Variants in CACNA1C observed in about 807,000 individuals in gnomAD.
CACNA1C encodes the protein voltage-dependent L-type calcium channel subunit alpha-1C.
A neutral mutation model predicts 229.0 loss-of-function variants in CACNA1C; 30 were observed. The observed-to-expected ratio is 0.13, with a 90% confidence interval of 0.10 to 0.18. CACNA1C has a LOEUF of 0.18. Ranked by LOEUF, CACNA1C falls within the 10% of genes least tolerant of loss-of-function variation. The pLI, the probability that CACNA1C is intolerant of heterozygous loss-of-function variation, is 1.00. For synonymous variants in CACNA1C, 1,114 were observed against 1,132.5 expected, an observed-to-expected ratio of 0.98 and a Z score of 0.33; for missense variants, 1,658 against 2,845.0, an observed-to-expected ratio of 0.58 and a Z score of 9.49.
intron 13 of CACNA1C, among the ~76,000 whole-genome samples, chr12:2,578,070 G>C (rs371982471): frequency 3.3e-5 from 5 of 151,740 alleles, no homozygotes; most frequent in African/African-American, 9.7e-5. Context: ...GGGTTTCACC[G>C]TGTTAGCCAG....
At chr12:2,179,478 C>G (rs1180626349) in intron 3 of CACNA1C, among the ~76,000 whole-genome samples, 1 of 152,250 alleles carries the variant, frequency 6.6e-6, no homozygotes, top group Non-Finnish European at 1.5e-5. Flanking sequence ...TTGAAGTCAT[C>G]TAGCCCCTTG....
intron 3 of CACNA1C, among the ~76,000 whole-genome samples, chr12:2,308,322 A>G (rs2095212366): frequency 1.3e-5 from 2 of 152,310 alleles, no homozygotes; most frequent in Admixed American, 6.5e-5. Flanking sequence ...TATCAGATAT[A>G]TGGCTTGCAA....
At chr12:2,578,278 C>T (rs1195358542) in intron 13 of CACNA1C, among the ~76,000 whole-genome samples, 7 of 152,144 alleles carry the variant, frequency 4.6e-5, no homozygotes, top group Non-Finnish European at 7.4e-5. Context: ...AAAGAACCTG[C>T]GGACGGACAG....
At position 2,285,276 on chromosome 12, in the gene CACNA1C, T is replaced by C. The variant is rs1283760342; in HGVS notation, c.478-163700T>C. Among the ~76,000 whole-genome samples, 1 of 152,186 alleles carries C rather than the reference T, an allele frequency of 6.6e-6. No individual in the cohort carries two copies. The highest frequency in any genetic ancestry group is 1.5e-5 in the Non-Finnish European group (1 of 68,024). ...ACACTGGGCATTCAATGTCATCACA[T>C]TGATAACTTGAAATGGGCAGTAGTG... On this transcript the variant is annotated intron_variant, in intron 3 of 46. Coordinates refer to ENST00000399655, the MANE Select transcript of CACNA1C (RefSeq NM_000719.7). This position sits in a 1 kb window ranked among gnomAD's most constrained non-coding sequence, Gnocchi z 4.2.
intron 3 of CACNA1C, among the ~76,000 whole-genome samples, chr12:2,445,111 C>G (rs947222516): frequency 6.6e-6 from 1 of 152,216 alleles, no homozygotes; most frequent in Non-Finnish European, 1.5e-5. Context: ...TTCCCATCTT[C>G]TTAGTTCACT....
rs141922304 is a variant in CACNA1C at position 2,215,553 on chromosome 12, C to T, written c.477+95123C>T. Among the ~76,000 whole-genome samples the T allele has an allele frequency of 2.8e-3, 426 of 152,306 alleles. No homozygotes were observed. The highest frequency in any genetic ancestry group is 9.5e-3 in the African/African-American group (394 of 41,564). On this transcript the variant is annotated intron_variant, in intron 3 of 46. Transcript: ENST00000399655. This position sits in a 1 kb window ranked among gnomAD's most constrained non-coding sequence, Gnocchi z 5.0. Reference sequence around the variant, plus strand: ...GAGCTCCTACCACAGTCCCTGTCCCCCACACCGTTAACACTTTTACATCAG... The same window carrying T: ...GAGCTCCTACCACAGTCCCTGTCCCTCACACCGTTAACACTTTTACATCAG...
chr12:2,540,311 C>T (rs2099866542), intron 9 of CACNA1C, among the ~76,000 whole-genome samples: 2 of 152,052 alleles, frequency 1.3e-5, no homozygotes, highest in Non-Finnish European at 2.9e-5. Context: ...GAGGGTGAAA[C>T]CAAAACACAG....
chr12:2,426,620 A>G (rs1289750460), intron 3 of CACNA1C, among the ~76,000 whole-genome samples: 4 of 152,250 alleles, frequency 2.6e-5, no homozygotes, highest in African/African-American at 7.2e-5. Flanking sequence ...AACAACCACC[A>G]TTTATTAACT....
At chr12:2,007,489 ATTC>A (rs2043668589) in intron 1 of CACNA1C, among the ~76,000 whole-genome samples, 1 of 152,228 alleles carries the variant, frequency 6.6e-6, no homozygotes. Flanking sequence ...AAATTCATTA[ATTC>A]TTCATGATTT....
At chr12:2,680,540 G>C in intron 42 of CACNA1C, 3 of 1,571,182 alleles carry the variant, frequency 1.9e-6, no homozygotes, top group Non-Finnish European at 2.6e-6. Flanking sequence ...TAGGAGAGTG[G>C]CTCCCAGCAG....
intron 3 of CACNA1C, among the ~76,000 whole-genome samples, chr12:2,126,285 T>G (rs988864249): frequency 1.5e-4 from 23 of 152,340 alleles, no homozygotes; most frequent in Admixed American, 6.5e-4. Flanking sequence ...ATGACAATTC[T>G]TTCTTTAGAT....
chr12:2,113,466 G>A (rs908411198), intron 1 of CACNA1C, among the ~76,000 whole-genome samples: 6 of 152,164 alleles, frequency 3.9e-5, no homozygotes, highest in Non-Finnish European at 7.4e-5. Context: ...AGGAGAGGGA[G>A]GGGGTCAATA....
intron 5 of CACNA1C, among the ~76,000 whole-genome samples, chr12:2,462,447 C>A (rs1373654705): frequency 6.6e-6 from 1 of 152,032 alleles, no homozygotes; most frequent in Non-Finnish European, 1.5e-5. Context: ...CACATCACCT[C>A]TCACCATCTG....
At chr12:2,261,511 G>A (rs1490567007) in intron 3 of CACNA1C, among the ~76,000 whole-genome samples, 5 of 152,190 alleles carry the variant, frequency 3.3e-5, no homozygotes, top group Non-Finnish European at 7.3e-5. Flanking sequence ...TATAAAAATA[G>A]TTCTCTCCTC....
At chr12:2,464,794 T>A (rs74053439) in intron 5 of CACNA1C, among the ~76,000 whole-genome samples, 1 of 152,220 alleles carries the variant, frequency 6.6e-6, no homozygotes, top group South Asian at 2.1e-4. Flanking sequence ...CTGAGGACCA[T>A]GTGTGGATAG....
At chr12:2,145,277 G>C (rs2094599181) in intron 3 of CACNA1C, among the ~76,000 whole-genome samples, 2 of 151,144 alleles carry the variant, frequency 1.3e-5, no homozygotes, top group South Asian at 4.2e-4. Context: ...GGAATTGGAA[G>C]AGCTTCCTGC....
intron 1 of CACNA1C, among the ~76,000 whole-genome samples, chr12:1,982,715 T>C (rs534119836): frequency 2.0e-5 from 3 of 152,292 alleles, no homozygotes; most frequent in African/African-American, 7.2e-5. Flanking sequence ...TTTTTATACC[T>C]ATATTCACAA....
rs146792112 is a variant in CACNA1C, at chr12:2,639,015, C to G, written c.3912+4635C>G. 1.3e-5 allele frequency among the ~76,000 whole-genome samples: 2 copies of G among 152,172 alleles called. No homozygotes were observed. The highest frequency in any genetic ancestry group is 2.9e-5 in the Non-Finnish European group (2 of 68,026). Reference sequence around the variant, plus strand: ...GAGAGGCCTGGGCCAGGGCCTCTGGCGCGAGGAGATCGGGACCCGCAAACT... The same window carrying G: ...GAGAGGCCTGGGCCAGGGCCTCTGGGGCGAGGAGATCGGGACCCGCAAACT... On this transcript the variant is annotated intron_variant, in intron 30 of 46. Transcript: ENST00000399655. The surrounding 1 kb of genome is among the most constrained non-coding windows in gnomAD (Gnocchi z 4.2).
rs766075498 is a variant in CACNA1C, at chr12:2,053,582, G to A, written c.20G>A (p.Arg7Lys). The part of the protein sequence containing the change: MVNENT[R>K]MYIPEENHQG... ...TGGTCCATGGTCAATGAGAATACGAGGATGTACATTCCAGAGGAAAACCAC... is the reference window on the plus strand; with the variant it reads ...TGGTCCATGGTCAATGAGAATACGAAGATGTACATTCCAGAGGAAAACCAC... The change falls in exon 1 of 47, where the codon AGG becomes AAG. Residue 7 changes from arginine (R) to lysine (K), a missense_variant. Arg to Lys is a conservative substitution (Grantham distance 26). Around this residue, in one of 20 missense-constraint regions of CACNA1C, gnomAD observed 111 missense variants for 128.0 expected, o/e 0.87. Transcript: ENST00000399655. The surrounding 1 kb of genome is among the most constrained non-coding windows in gnomAD (Gnocchi z 5.8). The A allele has an allele frequency of 6.2e-7, 1 of 1,601,092 alleles. No individual in the cohort carries two copies. The highest frequency in any genetic ancestry group is 2.3e-5 in the East Asian group (1 of 44,198).
Sources: gnomAD v4.1 joint callset for allele counts (sites outside exome capture counted in the v4.1 genomes callset) on GRCh38, gnomAD v4.1.1 for gene constraint, gnomAD v4.1.1 regional missense constraint, Gnocchi (gnomAD v3.1) non-coding constraint, MANE v1.5 for transcripts, NCBI Gene and HGNC (gene_info 2026-07-23, HGNC 2026-07-21) for gene names.